Variants in C10orf90 observed in about 807,000 individuals in gnomAD.
C10orf90 encodes the protein (E2-independent) E3 ubiquitin-conjugating enzyme FATS.
C10orf90 carries 56 observed loss-of-function variants against 62.5 expected under a neutral mutation model. The observed-to-expected ratio is 0.90, with a 90% CI of 0.72 to 1.12. The LOEUF is 1.12. C10orf90 is among the 50% of genes most tolerant of loss of function. The pLI, the probability that C10orf90 is intolerant of heterozygous loss-of-function variation, is 0.00. For synonymous variants in C10orf90, 386 were observed against 340.4 expected, an observed-to-expected ratio of 1.13 and a Z score of -1.47; for missense variants, 970 against 880.4, an observed-to-expected ratio of 1.10 and a Z score of -1.29.
chr10:126,622,464 T>C (rs1011914380), intron 2 of C10orf90, among the ~76,000 whole-genome samples: 2 of 152,166 alleles, frequency 1.3e-5, no homozygotes, highest in Non-Finnish European at 2.9e-5. Context: ...CAGGGTTTCA[T>C]TGCCAATGTC....
At chr10:126,580,232 T>C (rs12268138) in intron 2 of C10orf90, among the ~76,000 whole-genome samples, 2,031 of 152,336 alleles carry the variant, frequency 0.013, 19 homozygotes, top group Non-Finnish European at 0.018. Flanking sequence ...CGACATGCCC[T>C]GGCTGTCTCT....
intron 2 of C10orf90, among the ~76,000 whole-genome samples, chr10:126,533,703 C>T (rs1032637058): frequency 6.6e-6 from 1 of 152,190 alleles, no homozygotes; most frequent in African/African-American, 2.4e-5. Flanking sequence ...CCAGGTTTGA[C>T]TTCAGTCAAG....
Position 126,625,942 on chromosome 10 carries a change from C to T in C10orf90, c.313+20623G>A, listed in dbSNP as rs185419515. On this transcript the variant is annotated intron_variant, in intron 2 of 9. Transcript: ENST00000488181. ...CCAGCCTCGCCAACATGGTGAAACC[C>T]GATCTCTACCAAAAATACAAAAATA... Among the ~76,000 whole-genome samples the T allele has an allele frequency of 5.6e-3, 854 of 151,974 alleles. 14 individuals are homozygous for T. Among genetic ancestry groups the T allele is most frequent in the Non-Finnish European group, 6.1e-3 (418 of 67,976 alleles).
intron 2 of C10orf90, among the ~76,000 whole-genome samples, chr10:126,613,059 G>C (rs1845471582): frequency 6.6e-6 from 1 of 152,086 alleles, no homozygotes; most frequent in Non-Finnish European, 1.5e-5. Context: ...TAATATTCAA[G>C]CAGTATATTC....
At chr10:126,480,209 C>T (rs1037660772) in intron 4 of C10orf90, among the ~76,000 whole-genome samples, 11 of 152,180 alleles carry the variant, frequency 7.2e-5, no homozygotes, top group African/African-American at 2.2e-4. Context: ...CTTAAAAACA[C>T]AAACATACTT....
At chr10:126,494,885 T>C (rs903960923) in intron 4 of C10orf90, among the ~76,000 whole-genome samples, 3 of 152,246 alleles carry the variant, frequency 2.0e-5, no homozygotes, top group African/African-American at 7.2e-5. Flanking sequence ...AGGACACCTG[T>C]CCTGTGCACC....
At chr10:126,636,972 T>G (rs1845963983) in intron 2 of C10orf90, among the ~76,000 whole-genome samples, 1 of 152,102 alleles carries the variant, frequency 6.6e-6, no homozygotes, top group Admixed American at 6.5e-5. Flanking sequence ...TGACTTCCAG[T>G]GATTATTTGT....
intron 7 of C10orf90, among the ~76,000 whole-genome samples, chr10:126,458,603 T>C (rs1482811404): frequency 6.6e-6 from 1 of 152,178 alleles, no homozygotes; most frequent in Non-Finnish European, 1.5e-5. Context: ...AGCCATGTAT[T>C]CTCTGAGCTC....
chr10:126,521,272 T>C (rs1228166472), intron 2 of C10orf90: 1 of 1,611,818 alleles, frequency 6.2e-7, no homozygotes, highest in Non-Finnish European at 8.5e-7. Flanking sequence ...ATAAGGGTTA[T>C]ATCTGTGGAA....
intron 2 of C10orf90, among the ~76,000 whole-genome samples, chr10:126,576,536 A>G (rs1844614122): frequency 6.6e-6 from 1 of 151,672 alleles, no homozygotes; most frequent in South Asian, 2.1e-4. Context: ...CTACAAATAG[A>G]ACTACTCTAT....
intron 4 of C10orf90, among the ~76,000 whole-genome samples, chr10:126,475,226 C>T (rs1422276601): frequency 1.3e-5 from 2 of 152,206 alleles, no homozygotes; most frequent in African/African-American, 2.4e-5. Context: ...AGCCACAAAA[C>T]ATCTTGAATG....
intron 2 of C10orf90, among the ~76,000 whole-genome samples, chr10:126,536,425 G>GT (rs562941324): frequency 3.1e-4 from 47 of 152,300 alleles, no homozygotes; most frequent in South Asian, 2.3e-3. Context: ...TACTATCTGC[G>GT]TAAGGACCTC....
intron 7 of C10orf90, among the ~76,000 whole-genome samples, chr10:126,437,724 G>A (rs898067962): frequency 6.6e-6 from 1 of 152,026 alleles, no homozygotes; most frequent in East Asian, 1.9e-4. Flanking sequence ...ATTTAACTGG[G>A]CATCCTATAT....
chr10:126,427,604 G>C (rs987123217), intron 8 of C10orf90, among the ~76,000 whole-genome samples: 17 of 152,190 alleles, frequency 1.1e-4, no homozygotes, highest in Non-Finnish European at 2.5e-4. Flanking sequence ...CTTGCTTGCT[G>C]TGTCTTCTGG....
chr10:126,468,820 G>A (rs2133757143), intron 4 of C10orf90, among the ~76,000 whole-genome samples: 1 of 152,306 alleles, frequency 6.6e-6, no homozygotes, highest in Non-Finnish European at 1.5e-5. Context: ...GACACCACCA[G>A]CCCATGCAGG....
Position 126,461,410 on chromosome 10 carries a change from C to T in C10orf90, c.2001G>A (p.Leu667=), listed in dbSNP as rs1362229244. ...SESQQTPARS[L]TLQEALEVRK... is the part of the protein sequence containing the mutation. ...ACACAGAAGGCCTTACTTGCAAGGT[C>T]AAAGATCTTGCAGGCGTTTGCTGAG... The change falls in exon 6 of 10, where the codon TTG becomes TTA. Residue 667 remains leucine (L), a synonymous_variant. Transcript: ENST00000488181. The T allele has an allele frequency of 2.5e-6, 4 of 1,613,836 alleles. No homozygotes were observed. The highest frequency in any genetic ancestry group is 1.3e-5 in the African/African-American group (1 of 74,894).
At chr10:126,618,932 C>T (rs1032877739) in intron 2 of C10orf90, among the ~76,000 whole-genome samples, 1 of 152,086 alleles carries the variant, frequency 6.6e-6, no homozygotes, top group African/African-American at 2.4e-5. Flanking sequence ...AACCTAAATG[C>T]CCATGAGCGG....
At chr10:126,432,457 G>C (rs1857639596) in intron 7 of C10orf90, among the ~76,000 whole-genome samples, 1 of 152,216 alleles carries the variant, frequency 6.6e-6, no homozygotes, top group African/African-American at 2.4e-5. Context: ...CATTTATTTT[G>C]GGAGAAGCTG....
intron 4 of C10orf90, among the ~76,000 whole-genome samples, chr10:126,496,147 C>T (rs1274120343): frequency 2.0e-5 from 3 of 152,208 alleles, no homozygotes; most frequent in Admixed American, 6.5e-5. Flanking sequence ...GGCTTTGAAT[C>T]CATTTCTTTT....
Sources: gnomAD v4.1 joint callset for allele counts (sites outside exome capture counted in the v4.1 genomes callset) on GRCh38, gnomAD v4.1.1 for gene constraint, MANE v1.5 for transcripts, NCBI Gene and HGNC (gene_info 2026-07-23, HGNC 2026-07-21) for gene names.